The following DMD variants were observed in gnomAD, a reference collection of about 807,000 sequenced individuals.
The protein encoded by DMD is dystrophin.
DMD carries 63 observed loss-of-function variants against 330.1 expected under a neutral mutation model. The observed-to-expected ratio is 0.19, with a 90% CI of 0.16 to 0.24. The LOEUF is 0.24. Among genes scored for constraint, DMD ranks in the 10% least tolerant of loss-of-function variants. DMD has a pLI of 1.00. For missense variants in DMD, 3,344 were observed against 2,684.1 expected, an observed-to-expected ratio of 1.25 and a Z score of -5.43; for synonymous variants, 1,223 against 959.8, an observed-to-expected ratio of 1.27 and a Z score of -5.07.
At chrX:32,402,935 A>G (rs1569561282) in intron 30 of DMD, among the ~76,000 whole-genome samples, 2 of 111,458 alleles carry the variant, frequency 1.8e-5, no homozygotes, top group Non-Finnish European at 3.8e-5. Flanking sequence ...GCTTATTCAC[A>G]TTTTAAATTT....
chrX:32,768,292 C>G (rs935803940), intron 7 of DMD, among the ~76,000 whole-genome samples: 2 of 111,772 alleles, frequency 1.8e-5, no homozygotes, highest in Admixed American at 9.5e-5. Context: ...GGGAATAGAG[C>G]TATTCATCCC....
intron 49 of DMD, among the ~76,000 whole-genome samples, chrX:31,828,758 C>T (rs2092952297): frequency 1.8e-5 from 2 of 109,903 alleles, no homozygotes; most frequent in African/African-American, 6.6e-5. Flanking sequence ...AAAAAAAGTC[C>T]AGGACCAGAT....
At position 32,061,109 on chromosome X, in the gene DMD, A is replaced by C. The variant is rs114186403; in HGVS notation, c.6439-92595T>G. On this transcript the variant is annotated intron_variant, in intron 44 of 78. Transcript: ENST00000357033. Reference sequence around the variant, plus strand: ...TTTTTTTCTGAAAGGTTAGAGCTCAATGAGAACCATAACCCCAGGCCAGGG... The same window carrying C: ...TTTTTTTCTGAAAGGTTAGAGCTCACTGAGAACCATAACCCCAGGCCAGGG... 7.4e-4 allele frequency among the ~76,000 whole-genome samples: 83 copies of C among 111,491 alleles called. 1 individual carries two copies. Among genetic ancestry groups the C allele is most frequent in the African/African-American group, 2.7e-3 (82 of 30,793 alleles).
chrX:32,226,798 T>G (rs6653864), intron 43 of DMD, among the ~76,000 whole-genome samples: 4,239 of 110,743 alleles, frequency 0.038, 207 homozygotes, highest in African/African-American at 0.13. Context: ...TTTAGTATTA[T>G]CGATATTAAT....
intron 2 of DMD, among the ~76,000 whole-genome samples, chrX:32,899,792 A>C (rs887682559): frequency 2.7e-5 from 3 of 111,895 alleles, no homozygotes; most frequent in African/African-American, 9.7e-5. Context: ...AGCTAAATAA[A>C]TTTAAACATG....
intron 1 of DMD, chrX:33,041,366 C>T: frequency 1.7e-6 from 2 of 1,177,462 alleles, no homozygotes; most frequent in Non-Finnish European, 2.3e-6. Flanking sequence ...CGGCTTTCCG[C>T]CCCTCCTTCT....
chrX:31,807,311 T>C (rs1275471702), intron 50 of DMD, among the ~76,000 whole-genome samples: 1 of 111,880 alleles, frequency 8.9e-6, no homozygotes, highest in Non-Finnish European at 1.9e-5. Flanking sequence ...AAGTGCTGTT[T>C]AAACATATTT....
At chrX:32,549,441 C>G (rs1349928500) in intron 16 of DMD, among the ~76,000 whole-genome samples, 1 of 111,413 alleles carries the variant, frequency 9.0e-6, no homozygotes, top group Non-Finnish European at 1.9e-5. Flanking sequence ...AGGTCTTGAA[C>G]AGGAAGCCCT....
intron 2 of DMD, among the ~76,000 whole-genome samples, chrX:32,890,775 AC>A (rs1316759722): frequency 8.9e-6 from 1 of 111,855 alleles, no homozygotes; most frequent in Admixed American, 9.5e-5. Context: ...TTGAAATGGG[AC>A]TAGCATAACT....
chrX:32,061,452 C>T (rs2096224313), intron 44 of DMD, among the ~76,000 whole-genome samples: 1 of 111,510 alleles, frequency 9.0e-6, no homozygotes, highest in Non-Finnish European at 1.9e-5. Context: ...TATGAAACAG[C>T]TATCATCATA....
intron 62 of DMD, among the ~76,000 whole-genome samples, chrX:31,284,825 AACACAC>A (rs61401043): frequency 0.019 from 1,736 of 91,459 alleles, 40 homozygotes; most frequent in African/African-American, 0.065. Flanking sequence ...TAATGGCTTA[AACACAC>A]ACACACACAC....
chrX:32,406,835 T>C (rs989490563), intron 30 of DMD, among the ~76,000 whole-genome samples: 3 of 111,502 alleles, frequency 2.7e-5, no homozygotes, highest in African/African-American at 9.8e-5. Flanking sequence ...TCTACAACTA[T>C]CTGATCTTTG....
chrX:32,341,842 C>CA (rs1378618280), intron 41 of DMD, among the ~76,000 whole-genome samples: 2 of 110,167 alleles, frequency 1.8e-5, no homozygotes, highest in East Asian at 2.9e-4. Flanking sequence ...AATGATGTAG[C>CA]AAAAAAAATT....
At chrX:32,166,361 G>A (rs1351949184) in intron 44 of DMD, among the ~76,000 whole-genome samples, 1 of 110,867 alleles carries the variant, frequency 9.0e-6, no homozygotes, top group Non-Finnish European at 1.9e-5. Context: ...GGAGGCTGAT[G>A]TGGGAGGATC....
intron 59 of DMD, among the ~76,000 whole-genome samples, chrX:31,465,385 G>C (rs1463737413): frequency 9.1e-6 from 1 of 110,189 alleles, no homozygotes; most frequent in Non-Finnish European, 1.9e-5. Context: ...GCCCCGGTGT[G>C]TGATGTTCCC....
intron 16 of DMD, among the ~76,000 whole-genome samples, chrX:32,554,697 G>A (rs2049964940): frequency 9.5e-6 from 1 of 105,718 alleles, no homozygotes; most frequent in Non-Finnish European, 1.9e-5. Context: ...GTACAAAGAA[G>A]AGCTGGTATC....
chrX:31,675,652 C>T (rs1003778352), intron 53 of DMD, among the ~76,000 whole-genome samples: 2 of 111,432 alleles, frequency 1.8e-5, no homozygotes, highest in African/African-American at 3.3e-5. Context: ...TGAGCCACCG[C>T]GCCCGGCCTC....
intron 21 of DMD, among the ~76,000 whole-genome samples, chrX:32,475,266 T>A (rs982187171): frequency 3.8e-4 from 43 of 111,736 alleles, no homozygotes; most frequent in African/African-American, 1.3e-3. Flanking sequence ...GGCCTTATAG[T>A]ATAGTTTGAA....
intron 7 of DMD, among the ~76,000 whole-genome samples, chrX:32,733,271 G>C (rs1438087876): frequency 1.8e-5 from 2 of 110,473 alleles, no homozygotes; most frequent in Admixed American, 9.5e-5. Context: ...AGCAAGTCCT[G>C]AGTGACCTAC....
Sources: gnomAD v4.1 joint callset for allele counts (sites outside exome capture counted in the v4.1 genomes callset) on GRCh38, gnomAD v4.1.1 for gene constraint, MANE v1.5 for transcripts, NCBI Gene and HGNC (gene_info 2026-07-23, HGNC 2026-07-21) for gene names.